The following MBTPS1 variants were observed in gnomAD, a reference collection of about 807,000 sequenced individuals.
MBTPS1 encodes the protein membrane bound transcription factor peptidase, site 1, also known as membrane-bound transcription factor site-1 protease.
MBTPS1 carries 94 observed loss-of-function variants against 127.8 expected under a neutral mutation model. That is an observed-to-expected ratio of 0.74 (90% confidence interval 0.62 to 0.87). The LOEUF (loss-of-function observed/expected upper bound fraction) is 0.87, where lower values mean the gene tolerates loss of function less well. Ranked by LOEUF, MBTPS1 falls within the 40% of genes least tolerant of loss-of-function variation. The probability of loss-of-function intolerance (pLI) is 0.00; values close to 1 mark genes in which losing one functional copy is unlikely to be tolerated. For synonymous variants in MBTPS1, 632 were observed against 509.4 expected, an observed-to-expected ratio of 1.24 and a Z score of -3.24; for missense variants, 1,636 against 1,353.2, an observed-to-expected ratio of 1.21 and a Z score of -3.28.
intron 16 of MBTPS1, 24 bp from the exon 17 acceptor site, chr16:84,066,637 C>A (rs765451679): frequency 2.9e-5 from 46 of 1,612,214 alleles, no homozygotes; most frequent in Middle Eastern, 1.6e-4. Flanking sequence ...AACAGACACA[C>A]AGGGAACAGG....
chr16:84,086,220 G>A (rs1464537040), intron 9 of MBTPS1: 1 of 152,268 alleles, frequency 6.6e-6, no homozygotes, highest in East Asian at 1.9e-4. Flanking sequence ...GCTGGCTGGT[G>A]ATGAAGGCCA....
intron 6 of MBTPS1, among the ~76,000 whole-genome samples, chr16:84,092,104 T>G (rs1283639270): frequency 1.3e-5 from 2 of 152,152 alleles, no homozygotes; most frequent in East Asian, 3.9e-4. Context: ...CTAGGTGAAA[T>G]GCACAGCTCT....
At chr16:84,096,010 T>C (rs538365775) in intron 3 of MBTPS1, among the ~76,000 whole-genome samples, 1 of 152,314 alleles carries the variant, frequency 6.6e-6, no homozygotes, top group Admixed American at 6.5e-5. Flanking sequence ...TACTCCCAAA[T>C]AGTTCTCTAC....
At chr16:84,091,945 G>C (rs1004607905) in intron 6 of MBTPS1, 97 bp from the exon 7 acceptor site, 1 of 740,176 alleles carries the variant, frequency 1.4e-6, no homozygotes, top group Non-Finnish European at 2.4e-6. Flanking sequence ...ATTACAAGTA[G>C]TTCTCTTAAT....
At chr16:84,094,746 G>C (rs976601551) in intron 4 of MBTPS1, among the ~76,000 whole-genome samples, 2 of 152,158 alleles carry the variant, frequency 1.3e-5, no homozygotes, top group African/African-American at 2.4e-5. Flanking sequence ...AATTTGTTTT[G>C]TCAAGGAGTT....
At chr16:84,077,752 T>TA (rs2085882267) in intron 11 of MBTPS1, among the ~76,000 whole-genome samples, 1 of 151,972 alleles carries the variant, frequency 6.6e-6, no homozygotes, top group African/African-American at 2.4e-5. Context: ...ATGTGACTAT[T>TA]AAAAAACAAC....
Position 84,079,832 on chromosome 16 carries a change from TAC to T in MBTPS1, c.1448+1913_1448+1914del, listed in dbSNP as rs1386500544. On this transcript the variant is annotated intron_variant, in intron 11 of 22. Transcript: ENST00000343411. ...TCCAGTACATACACAGATAGGCAGA[TAC>T]AGAAGCAGTCGTATGTGTCTGTGCA... Among the ~76,000 whole-genome samples, 3 of 152,362 alleles carry T rather than the reference TAC, an allele frequency of 2.0e-5. No individual in the cohort carries two copies. In the East Asian group the frequency reaches 5.8e-4, roughly 29 times the overall value.
intron 1 of MBTPS1, 122 bp from the exon 2 acceptor site, chr16:84,102,229 A>G (rs2086267594): frequency 6.5e-6 from 1 of 153,374 alleles, no homozygotes; most frequent in African/African-American, 2.4e-5. Flanking sequence ...GTGCCTGTAG[A>G]TCAGCTGCTT....
chr16:84,108,848 G>A (rs74032829), intron 1 of MBTPS1, among the ~76,000 whole-genome samples: 6,317 of 152,202 alleles, frequency 0.042, 448 homozygotes, highest in African/African-American at 0.14. Context: ...AATGGGATGC[G>A]GCTTTCTTAC....
Position 84,065,681 on chromosome 16 carries a change from A to G in MBTPS1, c.2431+9T>C. ...AAGAAGCAAAAGGCCCATGAATGGC[A>G]TCCTTTACCTTGGTCCTTGAAAGTC... On this transcript the variant is annotated intron_variant, in intron 18 of 22. Coordinates refer to ENST00000343411, the MANE Select transcript of MBTPS1 (RefSeq NM_003791.4). 6.2e-7 allele frequency: 1 copy of G among 1,605,122 alleles called. No individual in the cohort carries two copies. Among genetic ancestry groups the G allele is most frequent in the Non-Finnish European group, 8.5e-7 (1 of 1,171,998 alleles).
chr16:84,092,512 G>A (rs2086123569), intron 6 of MBTPS1, among the ~76,000 whole-genome samples: 1 of 152,152 alleles, frequency 6.6e-6, no homozygotes, highest in African/African-American at 2.4e-5. Flanking sequence ...CTACGAGGAG[G>A]TATAAGAAAG....
chr16:84,067,515 G>T, intron 16 of MBTPS1, 152 bp downstream of exon 16: 1 of 635,954 alleles, frequency 1.6e-6, no homozygotes. Context: ...ACCGCACTCA[G>T]TCGAAAGGGC....
At chr16:84,078,744 A>G (rs927297720) in intron 11 of MBTPS1, among the ~76,000 whole-genome samples, 1 of 152,206 alleles carries the variant, frequency 6.6e-6, no homozygotes. Context: ...TGACGTGGAG[A>G]GATTTCCAGG....
intron 21 of MBTPS1, chr16:84,057,433 A>C (rs1386263721): frequency 6.6e-6 from 1 of 152,248 alleles, no homozygotes; most frequent in Non-Finnish European, 1.5e-5. Context: ...GTAACAGTCC[A>C]CACCCATTAC....
intron 3 of MBTPS1, among the ~76,000 whole-genome samples, chr16:84,096,681 C>G (rs8049209): frequency 0.11 from 16,907 of 152,234 alleles, 1,210 homozygotes; most frequent in East Asian, 0.24. Flanking sequence ...CCTTACCAAC[C>G]TACACCCATG....
chr16:84,101,843 G>C lies in MBTPS1; in HGVS notation c.-60C>G. On this transcript the variant is annotated 5_prime_UTR_variant, in exon 2 of 23. In the 5' UTR this introduces an upstream ATG that the reference lacks. Coordinates refer to ENST00000343411, the MANE Select transcript of MBTPS1 (RefSeq NM_003791.4). ...ATTCAAATCACACTTTTTTCTTCTT[G>C]ATTAAAAGTGAATTTTTGTTTCAGC... is the stretch of plus-strand genomic sequence containing the variant. The C allele has an allele frequency of 6.6e-7, 1 of 1,505,538 alleles. No homozygotes were observed. Among genetic ancestry groups the C allele is most frequent in the East Asian group, 2.3e-5 (1 of 43,810 alleles). The allele number at this position is 1,505,538 out of a possible 1,614,324, so 93.3% of individuals were successfully genotyped here.
intron 3 of MBTPS1, among the ~76,000 whole-genome samples, chr16:84,097,872 T>TGTTTG (rs1486515850): frequency 1.1e-5 from 1 of 92,276 alleles, no homozygotes; most frequent in African/African-American, 3.8e-5. Context: ...GTGTGTGTGT[T>TGTTTG]TGTGTGTGTG....
chr16:84,076,896 T>A (rs1215598467), intron 11 of MBTPS1, among the ~76,000 whole-genome samples: 2 of 152,208 alleles, frequency 1.3e-5, no homozygotes, highest in Non-Finnish European at 2.9e-5. Flanking sequence ...AGTAAGATGA[T>A]ATGAAAATTC....
chr16:84,107,868 ATTTTTTT>A (rs66777766), intron 1 of MBTPS1, among the ~76,000 whole-genome samples: 3 of 133,458 alleles, frequency 2.2e-5, no homozygotes, highest in Admixed American at 7.8e-5. Context: ...TGTCCAGCTA[ATTTTTTT>A]TTTTTTTTTT....
Sources: gnomAD v4.1 joint callset for allele counts (sites outside exome capture counted in the v4.1 genomes callset) on GRCh38, gnomAD v4.1.1 for gene constraint, MANE v1.5 for transcripts, NCBI Gene and HGNC (gene_info 2026-07-23, HGNC 2026-07-21) for gene names.